MYH11: variants seen among roughly 807,000 people sequenced by gnomAD.
The protein encoded by MYH11 is myosin-11.
A neutral mutation model predicts 246.6 loss-of-function variants in MYH11; 80 were observed. That is an observed-to-expected ratio of 0.32 (90% CI 0.27 to 0.39). The LOEUF is 0.39. Ranked by LOEUF, MYH11 falls within the 10% of genes least tolerant of loss-of-function variation. MYH11 has a pLI of 1.00. For synonymous variants in MYH11, 1,071 were observed against 1,015.5 expected (o/e 1.05, Z -1.04); for missense variants, 2,158 against 2,546.8 (o/e 0.85, Z 3.29).
At chr16:15,765,427 T>C (rs942937679) in intron 9 of MYH11, among the ~76,000 whole-genome samples, 5 of 151,358 alleles carry the variant, frequency 3.3e-5, no homozygotes, top group African/African-American at 7.3e-5. Flanking sequence ...GGATACAGCA[T>C]TGATGGATGG....
At chr16:15,824,010 G>A (rs2043489141) in intron 2 of MYH11, among the ~76,000 whole-genome samples, 1 of 152,096 alleles carries the variant, frequency 6.6e-6, no homozygotes, top group African/African-American at 2.4e-5. Flanking sequence ...GGACCTCACT[G>A]GCTTAAATAA....
At position 15,856,054 on chromosome 16, in the gene MYH11, C is replaced by T. The variant is rs990049588; in HGVS notation, c.-18+887G>A. The stretch of plus-strand genomic sequence containing the variant: ...AACAGGCAGTAGCCACACTTTCTCT[C>T]GTTTTACCCATTTGGTTGGGCACGA... On this transcript the variant is annotated intron_variant, in intron 1 of 40. Coordinates refer to ENST00000300036, the MANE Select transcript of MYH11 (RefSeq NM_002474.3). 7.2e-5 allele frequency among the ~76,000 whole-genome samples: 11 copies of T among 152,142 alleles called. 1 individual carries two copies. Among genetic ancestry groups the T allele is most frequent in the Non-Finnish European group, 1.6e-4 (11 of 68,032 alleles).
chr16:15,841,990 C>G (rs778528714), intron 1 of MYH11, among the ~76,000 whole-genome samples: 12 of 152,344 alleles, frequency 7.9e-5, no homozygotes, highest in Admixed American at 5.9e-4. Flanking sequence ...GAAACCCAAC[C>G]TTTTGGGTGA....
At chr16:15,763,741 T>TCCGGGC in intron 10 of MYH11, 55 bp downstream of exon 10, 3 of 646,862 alleles carry the variant, frequency 4.6e-6, no homozygotes, top group Non-Finnish European at 5.8e-6. Context: ...AAATGTCACC[T>TCCGGGC]CCCCCACCCC....
chr16:15,767,240 T>G (rs1447349914), intron 9 of MYH11, among the ~76,000 whole-genome samples: 1 of 152,006 alleles, frequency 6.6e-6, no homozygotes, highest in East Asian at 1.9e-4. Context: ...CATGGATGAA[T>G]AGAGGATAGA....
intron 9 of MYH11, among the ~76,000 whole-genome samples, chr16:15,767,778 A>G (rs2042015442): frequency 6.6e-6 from 1 of 152,086 alleles, no homozygotes; most frequent in South Asian, 2.1e-4. Context: ...GTAGAATGCC[A>G]CATGAAGGAT....
Position 15,703,938 on chromosome 16 carries a change from G to GTT in MYH11, c.*51_*52dup. On this transcript the variant is annotated 3_prime_UTR_variant, in exon 41 of 41. Coordinates refer to ENST00000300036, the MANE Select transcript of MYH11 (RefSeq NM_002474.3). ...GGTTGTTGTTGGGTTTTTTTTGTTT[G>GTT]TTTGTTTTGGTTTTTGGTTTTCTTG... The GTT allele has an allele frequency of 6.2e-7, 1 of 1,612,400 alleles. No individual in the cohort carries two copies. Among genetic ancestry groups the GTT allele is most frequent in the Non-Finnish European group, 8.5e-7 (1 of 1,179,008 alleles).
chr16:15,728,390 C>T (rs1021561281), intron 27 of MYH11, among the ~76,000 whole-genome samples: 11 of 152,176 alleles, frequency 7.2e-5, no homozygotes, highest in African/African-American at 1.7e-4. Context: ...CCAACAACAA[C>T]GAAAGATCTG....
chr16:15,810,177 T>C lies in MYH11; in HGVS notation c.503-11490A>G, dbSNP rs556592032. Reference sequence around the variant, plus strand: ...GCCTCCCGAGTAGCTGGGATTATAGTCGCCCACCACCATGCCTGGCTAATT... The same window carrying C: ...GCCTCCCGAGTAGCTGGGATTATAGCCGCCCACCACCATGCCTGGCTAATT... On this transcript the variant is annotated intron_variant, in intron 3 of 40. Transcript: ENST00000300036. Among the ~76,000 whole-genome samples the C allele has an allele frequency of 9.9e-5, 15 of 151,518 alleles. No homozygotes were observed. In the South Asian group the frequency reaches 3.1e-3, roughly 32 times the overall value.
chr16:15,724,059 A>T (rs982918155), intron 31 of MYH11, 102 bp downstream of exon 31: 8 of 1,579,112 alleles, frequency 5.1e-6, no homozygotes. Context: ...CAGAGTGGAG[A>T]GGGGATGCAG....
chr16:15,763,023 G>T (rs2041903528), intron 10 of MYH11, among the ~76,000 whole-genome samples: 1 of 152,160 alleles, frequency 6.6e-6, no homozygotes, highest in African/African-American at 2.4e-5. Flanking sequence ...TTTGTGGGTA[G>T]GTTTATCAGA....
Position 15,717,251 on chromosome 16 carries a change from C to T in MYH11, c.5393G>A (p.Arg1798Gln), listed in dbSNP as rs148938946. 5.0e-5 allele frequency: 80 copies of T among 1,614,156 alleles called. No individual in the cohort carries two copies. The African/African-American group carries it at 8.0e-4, about 16-fold the overall frequency. The change falls in exon 38 of 41, where the codon CGG becomes CAG. Residue 1798 changes from arginine to glutamine, a missense_variant. Transcript: ENST00000300036. The part of the protein sequence containing the change: ...QQLERQNKEL[R>Q]SKLHEMEGAV... The stretch of plus-strand genomic sequence containing the variant: ...CCCCTCCATCTCGTGGAGCTTGCTC[C>T]GGAGCTCCTTGTTCTGCCGCTCGAG...
intron 2 of MYH11, among the ~76,000 whole-genome samples, chr16:15,824,020 A>G (rs1488150265): frequency 6.6e-6 from 1 of 152,188 alleles, no homozygotes; most frequent in Non-Finnish European, 1.5e-5. Context: ...GGCTTAAATA[A>G]CAGCCACCGT....
At chr16:15,825,127 T>C (rs62031668) in intron 2 of MYH11, among the ~76,000 whole-genome samples, 16,711 of 152,186 alleles carry the variant, frequency 0.11, 1,059 homozygotes, top group East Asian at 0.15. Context: ...TCATCTCATT[T>C]ATGTGAAGTG....
Position 15,750,767 on chromosome 16 carries a change from TG to T in MYH11, c.1865-437del, listed in dbSNP as rs1209528304. Among the ~76,000 whole-genome samples, 8 of 152,086 alleles carry T rather than the reference TG, an allele frequency of 5.3e-5. No homozygotes were observed. The highest frequency in any genetic ancestry group is 5.2e-4 in the Admixed American group (8 of 15,278). Reference sequence around the variant, plus strand: ...ACAAATAGTTATTGAGGACCTTCTGTGCTCCAGGCCCTGGGGACACTGCTGT... The same window carrying T: ...ACAAATAGTTATTGAGGACCTTCTGTCTCCAGGCCCTGGGGACACTGCTGT... On this transcript the variant is annotated intron_variant, in intron 15 of 40. Transcript: ENST00000300036. This position sits in a 1 kb window ranked among gnomAD's most constrained non-coding sequence, Gnocchi z 4.3.
At chr16:15,776,216 G>A in intron 7 of MYH11, 40 bp from the exon 8 acceptor site, 1 of 1,379,490 alleles carries the variant, frequency 7.2e-7, no homozygotes, top group Non-Finnish European at 1.0e-6. Context: ...GATACTGCGG[G>A]TGTTCCTCTG....
At position 15,724,228 on chromosome 16, in the gene MYH11, A is replaced by G. The variant is rs1185402501; in HGVS notation, c.4298T>C (p.Val1433Ala). 2 of 1,614,184 alleles carry G rather than the reference A, an allele frequency of 1.2e-6. No homozygotes were observed. Residue 1433 changes from valine to alanine, a missense_variant, in exon 31 of 41, where the codon GTT becomes GCT. Coordinates refer to ENST00000300036, the MANE Select transcript of MYH11 (RefSeq NM_002474.3). Reference sequence around the variant, plus strand: ...TTGCCGCTGGTTGTCCAAATCAACAACCAGGTCGTCCAGCTCCTGCTGAAG... The same window carrying G: ...TTGCCGCTGGTTGTCCAAATCAACAGCCAGGTCGTCCAGCTCCTGCTGAAG... ...NRLQQELDDL[V>A]VDLDNQRQLV... is the part of the protein sequence containing the mutation.
At chr16:15,747,216 A>G (rs1362484521) in intron 19 of MYH11, among the ~76,000 whole-genome samples, 4 of 152,184 alleles carry the variant, frequency 2.6e-5, no homozygotes, top group Admixed American at 2.0e-4. Flanking sequence ...AGCTCTCGTC[A>G]TGCGTTATCT....
rs1400181094 is a variant in MYH11 at position 15,794,979 on chromosome 16, G to A, written c.530+3681C>T. 5.9e-5 allele frequency among the ~76,000 whole-genome samples: 9 copies of A among 152,154 alleles called. No individual in the cohort carries two copies. In the South Asian group the frequency reaches 1.0e-3, roughly 18 times the overall value. On this transcript the variant is annotated intron_variant, in intron 4 of 40. Transcript: ENST00000300036. ...CAGGAAACCATTTCACGAGGGGAACGGGACTTTAGAACCAGTGTGGGGAGA... is the reference window on the plus strand; with the variant it reads ...CAGGAAACCATTTCACGAGGGGAACAGGACTTTAGAACCAGTGTGGGGAGA...
Sources: gnomAD v4.1 joint callset for allele counts (sites outside exome capture counted in the v4.1 genomes callset) on GRCh38, gnomAD v4.1.1 for gene constraint, Gnocchi (gnomAD v3.1) non-coding constraint, MANE v1.5 for transcripts, NCBI Gene and HGNC (gene_info 2026-07-23, HGNC 2026-07-21) for gene names.